The following AOPEP variants were observed in gnomAD, a reference collection of about 807,000 sequenced individuals.
AOPEP encodes aminopeptidase O.
A neutral mutation model predicts 98.1 loss-of-function variants in AOPEP; 77 were observed. That is an observed-to-expected ratio of 0.78 (90% CI 0.65 to 0.95). The LOEUF (loss-of-function observed/expected upper bound fraction) is 0.95, where lower values mean the gene tolerates loss of function less well. AOPEP is among the 40% of genes least tolerant of loss of function. The pLI is 0.00. For missense variants in AOPEP, 1,024 were observed against 1,024.7 expected (o/e 1.00, Z 0.01); for synonymous variants, 346 against 365.3 (o/e 0.95, Z 0.60).
intron 14 of AOPEP, among the ~76,000 whole-genome samples, chr9:95,078,978 C>T (rs79279157): frequency 0.01 from 1,597 of 152,298 alleles, 29 homozygotes; most frequent in African/African-American, 0.037. Flanking sequence ...TCGTTAATTT[C>T]TGTTGGCTGT....
rs752582415 is a variant in AOPEP at position 94,792,840 on chromosome 9, C to T, written c.1040C>T (p.Thr347Ile). 1.9e-6 allele frequency: 3 copies of T among 1,612,728 alleles called. No individual in the cohort carries two copies. Among genetic ancestry groups the T allele is most frequent in the African/African-American group, 1.3e-5 (1 of 74,664 alleles). ...STFTIAVGCWTEMKMETWSSN... is the reference protein window; with the variant it reads ...STFTIAVGCWIEMKMETWSSN... ...TTCACAATTGCAGTGGGATGCTGGA[C>T]AGAAATGAAGATGGAGACATGGTCA... Residue 347 changes from threonine to isoleucine, a missense_variant, in exon 4 of 17, where the codon ACA (threonine) becomes ATA (isoleucine). Around this residue, in one of 3 missense-constraint regions of AOPEP, gnomAD observed 440 missense variants for 433.8 expected, o/e 1.01. Transcript: ENST00000375315.
intron 14 of AOPEP, among the ~76,000 whole-genome samples, chr9:95,078,826 C>G (rs558337855): frequency 6.6e-6 from 1 of 152,334 alleles, no homozygotes; most frequent in East Asian, 1.9e-4. Flanking sequence ...AGGCGTCCAG[C>G]GGGCAGTTTG....
At chr9:95,026,355 C>T (rs769007109) in intron 13 of AOPEP, among the ~76,000 whole-genome samples, 3 of 152,208 alleles carry the variant, frequency 2.0e-5, no homozygotes, top group Non-Finnish European at 2.9e-5. Flanking sequence ...CTGCCTATTT[C>T]CCCCTCTCCT....
At chr9:94,885,967 T>G (rs1421687792) in intron 5 of AOPEP, among the ~76,000 whole-genome samples, 1 of 152,198 alleles carries the variant, frequency 6.6e-6, no homozygotes, top group Non-Finnish European at 1.5e-5. Flanking sequence ...AGTTCTCTGT[T>G]CAGTAACGAA....
intron 1 of AOPEP, among the ~76,000 whole-genome samples, chr9:94,740,580 C>A (rs1337030054): frequency 6.6e-6 from 1 of 152,186 alleles, no homozygotes; most frequent in Admixed American, 6.5e-5. Context: ...TGGCTCCTTG[C>A]ACCCCTCGAG....
chr9:94,991,311 G>T (rs1463711961), intron 11 of AOPEP, among the ~76,000 whole-genome samples: 2 of 152,224 alleles, frequency 1.3e-5, no homozygotes, highest in Non-Finnish European at 2.9e-5. Context: ...TATTTCTCCT[G>T]TGTGGCCTCT....
chr9:94,920,390 G>T (rs1026499804), intron 5 of AOPEP: 5 of 152,172 alleles, frequency 3.3e-5, no homozygotes. Context: ...AATGGGAGGG[G>T]TGGCCTGGGG....
At chr9:94,857,187 C>G (rs926551483) in intron 5 of AOPEP, among the ~76,000 whole-genome samples, 2 of 152,194 alleles carry the variant, frequency 1.3e-5, no homozygotes, top group African/African-American at 4.8e-5. Flanking sequence ...GAAGATTCAG[C>G]AACCTGAAGT....
In AOPEP at chr9:94,903,759, G is replaced by A. The variant is rs529728693; in HGVS notation, c.1365-20227G>A. ...AAGGTTACAGTGAGCTAATTAGCTG[G>A]GTGTGGTGGTGGGTACCTGCAATCC... On this transcript the variant is annotated intron_variant, in intron 5 of 16. Transcript: ENST00000375315. Among the ~76,000 whole-genome samples, 13 of 151,800 alleles carry A rather than the reference G, an allele frequency of 8.6e-5. No homozygotes were observed. In the South Asian group the frequency reaches 2.7e-3, roughly 32 times the overall value.
the AOPEP span, chr9:95,110,645 T>A: frequency 1.9e-6 from 2 of 1,045,944 alleles, no homozygotes; most frequent in African/African-American, 3.3e-5. Flanking sequence ...TCTTTATTAG[T>A]CTGTGTGTTT....
At chr9:95,065,985 A>G (rs1377074386) in intron 14 of AOPEP, among the ~76,000 whole-genome samples, 2 of 152,234 alleles carry the variant, frequency 1.3e-5, no homozygotes. Context: ...TTGACAGAGC[A>G]TTATTCCTTT....
chr9:94,836,226 T>G (rs1787684345), intron 5 of AOPEP, among the ~76,000 whole-genome samples: 1 of 152,196 alleles, frequency 6.6e-6, no homozygotes, highest in Admixed American at 6.5e-5. Flanking sequence ...CATAAATTTT[T>G]ACTTCTCTAG....
chr9:94,887,859 A>G (rs1257161987), intron 5 of AOPEP, among the ~76,000 whole-genome samples: 1 of 152,186 alleles, frequency 6.6e-6, no homozygotes, highest in Non-Finnish European at 1.5e-5. Context: ...AGGGCTGCGC[A>G]TGTTTAAGTG....
At chr9:94,952,430 A>G (rs1203636990) in intron 7 of AOPEP, among the ~76,000 whole-genome samples, 3 of 152,186 alleles carry the variant, frequency 2.0e-5, no homozygotes, top group African/African-American at 7.2e-5. Context: ...CTGTCTGTCA[A>G]CACTCCCTCC....
intron 11 of AOPEP, among the ~76,000 whole-genome samples, chr9:94,979,756 G>C (rs1019940554): frequency 7.7e-6 from 1 of 129,334 alleles, no homozygotes; most frequent in Non-Finnish European, 1.5e-5. Flanking sequence ...GGCAGGTGGT[G>C]GGGGGGCAGG....
chr9:95,054,043 A>G (rs973763251), intron 13 of AOPEP, among the ~76,000 whole-genome samples: 1 of 152,206 alleles, frequency 6.6e-6, no homozygotes, highest in South Asian at 2.1e-4. Context: ...AAACAAAAAG[A>G]AGGAAATTTT....
At chr9:95,058,428 AT>A (rs2067022099) in intron 13 of AOPEP, among the ~76,000 whole-genome samples, 1 of 152,006 alleles carries the variant, frequency 6.6e-6, no homozygotes, top group Non-Finnish European at 1.5e-5. Flanking sequence ...TTCCTTCTGT[AT>A]TTAGTTAGCA....
intron 11 of AOPEP, among the ~76,000 whole-genome samples, chr9:94,996,062 T>C (rs1644256725): frequency 6.6e-6 from 1 of 152,112 alleles, no homozygotes; most frequent in African/African-American, 2.4e-5. Context: ...GGAGGACAGG[T>C]CCTTTTTCAC....
chr9:94,824,216 A>G (rs1853937138), intron 5 of AOPEP: 1 of 152,168 alleles, frequency 6.6e-6, no homozygotes, highest in Non-Finnish European at 1.5e-5. Context: ...AATCTCCTTA[A>G]GCCCCCAAAA....
Sources: gnomAD v4.1 joint callset for allele counts (sites outside exome capture counted in the v4.1 genomes callset) on GRCh38, gnomAD v4.1.1 for gene constraint, gnomAD v4.1.1 regional missense constraint, MANE v1.5 for transcripts, NCBI Gene and HGNC (gene_info 2026-07-23, HGNC 2026-07-21) for gene names.